RAP2A: variants seen among roughly 807,000 people sequenced by gnomAD.
RAP2A encodes ras-related protein Rap-2a.
Under a neutral mutation model 15.1 loss-of-function variants are expected in RAP2A, and 5 were observed. The observed-to-expected ratio is 0.33, with a 90% CI of 0.17 to 0.70. The LOEUF (loss-of-function observed/expected upper bound fraction) is 0.70. RAP2A is among the 30% of genes least tolerant of loss of function. The pLI, the probability that RAP2A is intolerant of heterozygous loss-of-function variation, is 0.68. For synonymous variants in RAP2A, 110 were observed against 99.7 expected, an observed-to-expected ratio of 1.10 and a Z score of -0.62; for missense variants, 111 against 240.3, an observed-to-expected ratio of 0.46 and a Z score of 3.56.
intron 1 of RAP2A, among the ~76,000 whole-genome samples, chr13:97,462,042 T>TTA (rs534054374): frequency 0.012 from 1,546 of 132,482 alleles, 23 homozygotes; most frequent in Non-Finnish European, 0.018. Context: ...TTATATATAT[T>TTA]TATATATATA....
chr13:97,440,802 C>G (rs2066654310), intron 1 of RAP2A, among the ~76,000 whole-genome samples: 1 of 152,078 alleles, frequency 6.6e-6, no homozygotes, highest in Admixed American at 6.5e-5. Context: ...CTTTATTTAT[C>G]TATCCATTCA....
chr13:97,463,794 CAT>C (rs2066758610), intron 1 of RAP2A, among the ~76,000 whole-genome samples: 1 of 152,128 alleles, frequency 6.6e-6, no homozygotes, highest in Non-Finnish European at 1.5e-5. Flanking sequence ...ACACATAGAA[CAT>C]AGTAAAATGC....
chr13:97,443,332 A>G (rs564266251), intron 1 of RAP2A, among the ~76,000 whole-genome samples: 34 of 152,358 alleles, frequency 2.2e-4, no homozygotes, highest in Non-Finnish European at 4.1e-4. Context: ...TAATAATTCA[A>G]TGCATATTAG....
At chr13:97,459,912 A>T (rs2066739397) in intron 1 of RAP2A, among the ~76,000 whole-genome samples, 1 of 152,372 alleles carries the variant, frequency 6.6e-6, no homozygotes, top group Non-Finnish European at 1.5e-5. Context: ...AGCACTTAGT[A>T]TATAAATATG....
rs74105085 is a variant in RAP2A, at chr13:97,440,561, G to T, written c.314+5777G>T. Among the ~76,000 whole-genome samples, 281 of 152,218 alleles carry T rather than the reference G, an allele frequency of 1.8e-3. 1 individual carries two copies. Among genetic ancestry groups the T allele is most frequent in the African/African-American group, 6.4e-3 (267 of 41,558 alleles). On this transcript the variant is annotated intron_variant, in intron 1 of 1. Coordinates refer to ENST00000245304, the MANE Select transcript of RAP2A (RefSeq NM_021033.7). ...TGCTCACTTCATCTTTCATGAGAGG[G>T]ATTTAAATGGTCAAAAAATTGAAAT... is the stretch of plus-strand genomic sequence containing the variant.
At chr13:97,446,369 T>C (rs1459274711) in intron 1 of RAP2A, among the ~76,000 whole-genome samples, 3 of 152,238 alleles carry the variant, frequency 2.0e-5, no homozygotes, top group Non-Finnish European at 2.9e-5. Flanking sequence ...GCCAGCTTCC[T>C]TTTTTAAAGC....
chr13:97,440,234 C>G (rs2066651641), intron 1 of RAP2A, among the ~76,000 whole-genome samples: 1 of 151,976 alleles, frequency 6.6e-6, no homozygotes, highest in Admixed American at 6.6e-5. Context: ...AGCTGTGGGT[C>G]ACTTTTTTTT....
At chr13:97,444,149 T>C (rs2066669766) in intron 1 of RAP2A, among the ~76,000 whole-genome samples, 1 of 152,210 alleles carries the variant, frequency 6.6e-6, no homozygotes, top group African/African-American at 2.4e-5. Flanking sequence ...CTCTGTGTTT[T>C]AAGTGCTCTA....
chr13:97,449,068 A>G lies in RAP2A; in HGVS notation c.314+14284A>G, dbSNP rs187942259. On this transcript the variant is annotated intron_variant, in intron 1 of 1. Transcript: ENST00000245304. ...CAGGGGTCTGTCAGGAGCTAGTTTAAGCCAACAAAGTGACCGCATTCCACA... is the reference window on the plus strand; with the variant it reads ...CAGGGGTCTGTCAGGAGCTAGTTTAGGCCAACAAAGTGACCGCATTCCACA... 1.8e-4 allele frequency among the ~76,000 whole-genome samples: 28 copies of G among 152,092 alleles called. No homozygotes were observed. In the East Asian group the frequency reaches 4.3e-3, roughly 23 times the overall value.
chr13:97,443,933 G>A (rs548378618), intron 1 of RAP2A, among the ~76,000 whole-genome samples: 6 of 152,050 alleles, frequency 3.9e-5, no homozygotes, highest in Non-Finnish European at 7.4e-5. Context: ...GTGAGATAAC[G>A]AACGTAAAGT....
In RAP2A at chr13:97,452,909, TG is replaced by T. The variant is rs534934780; in HGVS notation, c.315-11294del. Among the ~76,000 whole-genome samples the T allele has an allele frequency of 8.0e-4, 121 of 151,558 alleles. 2 individuals are homozygous for T. The highest frequency in any genetic ancestry group is 2.8e-3 in the African/African-American group (114 of 41,186). ...TGCTGTTCTTTGGTGCTACTGTAAATGGTTCATTTTAAATGGATTTTCTAAT... is the reference window on the plus strand; with the variant it reads ...TGCTGTTCTTTGGTGCTACTGTAAATGTTCATTTTAAATGGATTTTCTAAT... On this transcript the variant is annotated intron_variant, in intron 1 of 1. Transcript: ENST00000245304.
intron 1 of RAP2A, among the ~76,000 whole-genome samples, chr13:97,463,404 T>A (rs1304764500): frequency 6.6e-6 from 1 of 152,214 alleles, no homozygotes. Flanking sequence ...TACTCAGAGA[T>A]ACCTATTTTA....
chr13:97,445,325 A>C (rs563692994), intron 1 of RAP2A, among the ~76,000 whole-genome samples: 1 of 152,314 alleles, frequency 6.6e-6, no homozygotes, highest in East Asian at 1.9e-4. Flanking sequence ...TTTGACAATC[A>C]GTAATGTTGA....
At chr13:97,438,062 A>G (rs1342684714) in intron 1 of RAP2A, among the ~76,000 whole-genome samples, 1 of 152,204 alleles carries the variant, frequency 6.6e-6, no homozygotes, top group Non-Finnish European at 1.5e-5. Flanking sequence ...TCTTAACTTG[A>G]TTTTGGGTGA....
chr13:97,450,712 T>TAAAAAAC (rs2066698882), intron 1 of RAP2A, among the ~76,000 whole-genome samples: 1 of 152,182 alleles, frequency 6.6e-6, no homozygotes, highest in African/African-American at 2.4e-5. Flanking sequence ...ACATTTGGTT[T>TAAAAAAC]CTAAATGATA....
chr13:97,461,585 TTTGA>T, intron 1 of RAP2A, among the ~76,000 whole-genome samples: 1 of 152,204 alleles, frequency 6.6e-6, no homozygotes, highest in Admixed American at 6.5e-5. Flanking sequence ...AACTTAATAA[TTTGA>T]TTTATTTGCA....
intron 1 of RAP2A, among the ~76,000 whole-genome samples, chr13:97,451,180 A>C (rs1326986941): frequency 6.6e-6 from 1 of 152,162 alleles, no homozygotes; most frequent in African/African-American, 2.4e-5. Flanking sequence ...TTTGTCTTGA[A>C]GGTTATATTA....
At chr13:97,435,559 A>T (rs1410097478) in intron 1 of RAP2A, among the ~76,000 whole-genome samples, 1 of 150,624 alleles carries the variant, frequency 6.6e-6, no homozygotes, top group Admixed American at 6.6e-5. Flanking sequence ...CACAAGTATT[A>T]GCTAATTTAA....
intron 1 of RAP2A, 79 bp from the exon 2 acceptor site, chr13:97,464,126 A>C (rs971842991): frequency 6.0e-5 from 86 of 1,433,306 alleles, no homozygotes; most frequent in Non-Finnish European, 7.2e-5. Context: ...AATAGCCCCC[A>C]AAAACGAAAA....
Sources: allele counts gnomAD v4.1 joint callset (sites outside exome capture counted in the v4.1 genomes callset), GRCh38; gene constraint gnomAD v4.1.1; transcripts MANE v1.5; gene names NCBI Gene and HGNC (gene_info 2026-07-23, HGNC 2026-07-21).